The following RFTN2 variants were observed in gnomAD, a reference collection of about 807,000 sequenced individuals.
The protein encoded by RFTN2 is raftlin-2.
Under a neutral mutation model 52.7 loss-of-function variants are expected in RFTN2, and 34 were observed. The observed-to-expected ratio is 0.64, with a 90% confidence interval of 0.49 to 0.86. The LOEUF is 0.86. RFTN2 is among the 40% of genes least tolerant of loss of function. The pLI is 0.00. For missense variants in RFTN2, 536 were observed against 600.1 expected (o/e 0.89, Z 1.12); for synonymous variants, 203 against 217.7 (o/e 0.93, Z 0.59).
At chr2:197,582,924 CCTT>C (rs984037375) in intron 8 of RFTN2, among the ~76,000 whole-genome samples, 1 of 152,134 alleles carries the variant, frequency 6.6e-6, no homozygotes, top group Admixed American at 6.5e-5. Context: ...CAGTTTTTCT[CCTT>C]CTCATCGGTC....
At chr2:197,578,099 C>T (rs1175607278) in intron 8 of RFTN2, among the ~76,000 whole-genome samples, 2 of 152,166 alleles carry the variant, frequency 1.3e-5, no homozygotes, top group African/African-American at 2.4e-5. Context: ...TTCCTGGGGG[C>T]TTCCTGGGTC....
chr2:197,629,033 G>A (rs1488383532), intron 5 of RFTN2, among the ~76,000 whole-genome samples: 1 of 152,216 alleles, frequency 6.6e-6, no homozygotes, highest in Non-Finnish European at 1.5e-5. Flanking sequence ...GGAAGACAGT[G>A]TGGCAATTCC....
At chr2:197,622,926 A>C (rs983930943) in intron 5 of RFTN2, among the ~76,000 whole-genome samples, 1 of 152,206 alleles carries the variant, frequency 6.6e-6, no homozygotes, top group African/African-American at 2.4e-5. Context: ...ATTCAGACCT[A>C]CTGCTCAGAA....
At chr2:197,602,226 T>C (rs2087891310) in intron 7 of RFTN2, among the ~76,000 whole-genome samples, 3 of 151,932 alleles carry the variant, frequency 2.0e-5, no homozygotes, top group African/African-American at 7.2e-5. Flanking sequence ...CCATTATGCC[T>C]GGCTAATTTT....
intron 1 of RFTN2, among the ~76,000 whole-genome samples, chr2:197,656,753 C>G (rs1184786459): frequency 2.0e-5 from 3 of 152,172 alleles, no homozygotes; most frequent in Non-Finnish European, 2.9e-5. Flanking sequence ...AACTCATGCT[C>G]TAGATCTTGG....
rs879778278 is a variant in RFTN2, at chr2:197,626,552, A to AC, written c.928+4458dup. ...GCACTCCAGCCTGGGTGACAGTGAGACCCCATCTACAAATAAATAAATAAA... is the reference window on the plus strand; with the variant it reads ...GCACTCCAGCCTGGGTGACAGTGAGACCCCCATCTACAAATAAATAAATAAA... On this transcript the variant is annotated intron_variant, in intron 5 of 8. Transcript: ENST00000295049. Among the ~76,000 whole-genome samples the AC allele has an allele frequency of 3.5e-3, 436 of 123,936 alleles. 8 individuals carry two copies. The highest frequency in any genetic ancestry group is 1.3e-3 in the Non-Finnish European group (78 of 58,070). 81.3% of individuals were successfully genotyped at this position (123,936 alleles called of 152,430 possible).
At chr2:197,675,061 T>C (rs193284872) in intron 1 of RFTN2, among the ~76,000 whole-genome samples, 184 of 152,312 alleles carry the variant, frequency 1.2e-3, no homozygotes, top group Non-Finnish European at 2.1e-3. Context: ...TATAAATAAG[T>C]ATTTGATTTA....
intron 8 of RFTN2, among the ~76,000 whole-genome samples, chr2:197,589,624 T>C (rs533344005): frequency 4.2e-4 from 64 of 152,366 alleles, no homozygotes; most frequent in African/African-American, 1.3e-3. Context: ...GATTTAAGCA[T>C]CTTTTCATGT....
At chr2:197,577,351 G>A (rs1559335795) in intron 8 of RFTN2, among the ~76,000 whole-genome samples, 1 of 152,184 alleles carries the variant, frequency 6.6e-6, no homozygotes, top group Non-Finnish European at 1.5e-5. Flanking sequence ...CACCTTCGTG[G>A]CCCCAAGTTA....
chr2:197,664,495 C>G (rs1193250055), intron 1 of RFTN2, among the ~76,000 whole-genome samples: 1 of 147,824 alleles, frequency 6.8e-6, no homozygotes, highest in Non-Finnish European at 1.5e-5. Context: ...AAAAAGTTGG[C>G]TAGGTGCAGT....
Position 197,570,850 on chromosome 2 carries a change from A to G in RFTN2, c.*1158T>C, listed in dbSNP as rs1308486386. ...AAATGATCTTACAATGTCAACATCA[A>G]TGTTAATAAAAATATATAATAGGCT... is the stretch of plus-strand genomic sequence containing the variant. On this transcript the variant is annotated 3_prime_UTR_variant, in exon 9 of 9. Transcript: ENST00000295049. 1 of 152,248 alleles carries G rather than the reference A, an allele frequency of 6.6e-6. No individual in the cohort carries two copies. Among genetic ancestry groups the G allele is most frequent in the African/African-American group, 2.4e-5 (1 of 41,470 alleles). The allele number at this position is 152,248 out of a possible 1,614,324, so 9.4% of individuals were successfully genotyped here.
chr2:197,641,352 G>A (rs1467656172), intron 3 of RFTN2, among the ~76,000 whole-genome samples: 1 of 152,188 alleles, frequency 6.6e-6, no homozygotes, highest in Non-Finnish European at 1.5e-5. Context: ...AACATATTGA[G>A]ATTGTAACCA....
Position 197,597,526 on chromosome 2 carries a change from CT to C in RFTN2, c.1155-1458del, listed in dbSNP as rs921271783. Among the ~76,000 whole-genome samples, 26 of 148,548 alleles carry C rather than the reference CT, an allele frequency of 1.8e-4. No homozygotes were observed. In the South Asian group the frequency reaches 2.8e-3, roughly 16 times the overall value. On this transcript the variant is annotated intron_variant, in intron 7 of 8. Coordinates refer to ENST00000295049, the MANE Select transcript of RFTN2 (RefSeq NM_144629.3). The stretch of plus-strand genomic sequence containing the variant: ...AATTGTGTTTTCTTTTTCTTTCTTT[CT>C]TTTTTTTTTGAGATGGAGTTTTGCT...
intron 1 of RFTN2, among the ~76,000 whole-genome samples, chr2:197,650,462 G>A (rs567135183): frequency 6.6e-6 from 1 of 152,268 alleles, no homozygotes; most frequent in South Asian, 2.1e-4. Context: ...TTGTGAAAGT[G>A]TGTCCTTTGA....
At chr2:197,597,507 G>A (rs796285478) in intron 7 of RFTN2, among the ~76,000 whole-genome samples, 1 of 151,774 alleles carries the variant, frequency 6.6e-6, no homozygotes, top group African/African-American at 2.4e-5. Context: ...CGTAAATTGT[G>A]TTTTCTTTTT....
At chr2:197,623,760 G>A (rs1241380919) in intron 5 of RFTN2, among the ~76,000 whole-genome samples, 2 of 152,108 alleles carry the variant, frequency 1.3e-5, no homozygotes, top group African/African-American at 2.4e-5. Context: ...TCTGCCTCCC[G>A]GGTTCAAGTA....
At position 197,636,055 on chromosome 2, in the gene RFTN2, C is replaced by T. The variant is rs1485881303; in HGVS notation, c.439-2058G>A. On this transcript the variant is annotated intron_variant, in intron 3 of 8. Transcript: ENST00000295049. ...CAAAGATCAGATAGTTGTAGATATG[C>T]GGCGTTATTTCTGAGGGCTCTGTTC... Among the ~76,000 whole-genome samples, 382 of 148,852 alleles carry T rather than the reference C, an allele frequency of 2.6e-3. 6 individuals carry two copies. Among genetic ancestry groups the T allele is most frequent in the African/African-American group, 8.8e-3 (354 of 40,236 alleles).
intron 1 of RFTN2, among the ~76,000 whole-genome samples, chr2:197,657,100 G>C (rs1373201529): frequency 1.3e-5 from 2 of 152,124 alleles, no homozygotes; most frequent in African/African-American, 2.4e-5. Flanking sequence ...CTGGCCTAAA[G>C]TGATCTTCCT....
At chr2:197,631,633 A>T (rs1460710280) in intron 4 of RFTN2, among the ~76,000 whole-genome samples, 1 of 152,154 alleles carries the variant, frequency 6.6e-6, no homozygotes, top group Non-Finnish European at 1.5e-5. Flanking sequence ...AACCATATAG[A>T]TCTTATTCGT....
Sources: allele counts gnomAD v4.1 joint callset (sites outside exome capture counted in the v4.1 genomes callset), GRCh38; gene constraint gnomAD v4.1.1; transcripts MANE v1.5; gene names NCBI Gene and HGNC (gene_info 2026-07-23, HGNC 2026-07-21).